Variants in CSMD1 observed in about 807,000 individuals in gnomAD.
CSMD1 encodes the protein CUB and Sushi multiple domains 1.
Under a neutral mutation model 417.5 loss-of-function variants are expected in CSMD1, and 213 were observed. That is an observed-to-expected ratio of 0.51 (90% CI 0.46 to 0.57). The LOEUF (loss-of-function observed/expected upper bound fraction) is 0.57, where lower values mean the gene tolerates loss of function less well. Ranked by LOEUF, CSMD1 falls within the 20% of genes least tolerant of loss-of-function variation. The pLI is 0.00. For synonymous variants in CSMD1, 2,862 were observed against 1,736.8 expected (o/e 1.65, Z -16.11); for missense variants, 6,923 against 4,529.7 (o/e 1.53, Z -15.17).
At chr8:4,890,945 C>G (rs2116999891) in intron 1 of CSMD1, among the ~76,000 whole-genome samples, 1 of 152,132 alleles carries the variant, frequency 6.6e-6, no homozygotes, top group East Asian at 1.9e-4. Flanking sequence ...GCAGAGAATC[C>G]AAGGGAAAGT....
At chr8:3,961,976 CA>C (rs761303041) in intron 5 of CSMD1, among the ~76,000 whole-genome samples, 1 of 152,142 alleles carries the variant, frequency 6.6e-6, no homozygotes, top group Non-Finnish European at 1.5e-5. Context: ...AGCAATGCAG[CA>C]AAACATCACA....
intron 3 of CSMD1, among the ~76,000 whole-genome samples, chr8:4,075,709 C>T (rs1053375445): frequency 6.6e-6 from 1 of 152,056 alleles, no homozygotes; most frequent in Non-Finnish European, 1.5e-5. Flanking sequence ...ATAAAATTGT[C>T]AATGTAGAAA....
chr8:3,564,780 G>A (rs866916268), intron 10 of CSMD1, among the ~76,000 whole-genome samples: 1 of 151,936 alleles, frequency 6.6e-6, no homozygotes, highest in Non-Finnish European at 1.5e-5. Flanking sequence ...GATCTTGAAA[G>A]GGGTGATGAC....
chr8:4,450,250 T>C (rs1485099239), intron 2 of CSMD1, among the ~76,000 whole-genome samples: 2 of 152,192 alleles, frequency 1.3e-5, no homozygotes, highest in African/African-American at 4.8e-5. Context: ...AAAGAGACAG[T>C]GTCTGATCTT....
At chr8:3,283,096 T>C (rs867819805) in intron 26 of CSMD1, among the ~76,000 whole-genome samples, 1 of 152,174 alleles carries the variant, frequency 6.6e-6, no homozygotes, top group African/African-American at 2.4e-5. Context: ...TAGGAGATTA[T>C]AGTTCACGTG....
intron 1 of CSMD1, among the ~76,000 whole-genome samples, chr8:4,739,670 T>C (rs952695180): frequency 1.3e-5 from 2 of 152,196 alleles, no homozygotes; most frequent in African/African-American, 4.8e-5. Flanking sequence ...GTCCACACTT[T>C]GTGTCTATCA....
At chr8:3,831,170 G>A (rs887673339) in intron 5 of CSMD1, among the ~76,000 whole-genome samples, 5 of 152,134 alleles carry the variant, frequency 3.3e-5, no homozygotes, top group South Asian at 2.1e-4. Context: ...AATTTATCTA[G>A]AGACTCTACA....
intron 5 of CSMD1, among the ~76,000 whole-genome samples, chr8:3,922,125 A>G (rs1809319535): frequency 7.1e-6 from 1 of 141,462 alleles, no homozygotes. Flanking sequence ...TCATTATATT[A>G]TGACATTCTT....
At chr8:3,441,008 G>A (rs1814946965) in intron 12 of CSMD1, among the ~76,000 whole-genome samples, 1 of 152,116 alleles carries the variant, frequency 6.6e-6, no homozygotes, top group Non-Finnish European at 1.5e-5. Flanking sequence ...AGATCATCCT[G>A]GATTATGTTG....
chr8:4,934,943 T>TA (rs747953404), intron 1 of CSMD1, among the ~76,000 whole-genome samples: 18 of 152,314 alleles, frequency 1.2e-4, no homozygotes, highest in Non-Finnish European at 2.1e-4. Context: ...ATCATCTATT[T>TA]AAATCCATCT....
intron 1 of CSMD1, among the ~76,000 whole-genome samples, chr8:4,911,820 T>G (rs1373745615): frequency 1.3e-5 from 2 of 152,138 alleles, no homozygotes. Flanking sequence ...CTCATTAAAC[T>G]TCACGGTGTT....
At chr8:4,991,480 G>T (rs1811458254) in intron 1 of CSMD1, among the ~76,000 whole-genome samples, 1 of 152,184 alleles carries the variant, frequency 6.6e-6, no homozygotes, top group South Asian at 2.1e-4. Context: ...CCGCAAACAG[G>T]TCACGAATTA....
At chr8:3,595,986 C>CTT (rs1443067828) in intron 8 of CSMD1, among the ~76,000 whole-genome samples, 1 of 152,198 alleles carries the variant, frequency 6.6e-6, no homozygotes, top group African/African-American at 2.4e-5. Flanking sequence ...GTGAAAGCCC[C>CTT]TTTGCCTCCT....
At chr8:3,377,113 A>AT (rs1319439335) in intron 18 of CSMD1, among the ~76,000 whole-genome samples, 2 of 148,660 alleles carry the variant, frequency 1.3e-5, no homozygotes, top group Admixed American at 7.3e-5. Flanking sequence ...GGCTCAAGTG[A>AT]TCCCCCTGCC....
chr8:3,444,610 A>G (rs1585174305), intron 12 of CSMD1, among the ~76,000 whole-genome samples: 1 of 152,006 alleles, frequency 6.6e-6, no homozygotes, highest in South Asian at 2.1e-4. Context: ...GCTCCTAAAA[A>G]CCTACAGTCA....
intron 52 of CSMD1, 34 bp downstream of exon 52, chr8:3,018,443 C>A: frequency 6.3e-7 from 1 of 1,598,586 alleles, no homozygotes. Flanking sequence ...GGTTTATCTG[C>A]ATTAAGTAAG....
At chr8:4,801,654 G>C (rs539023159) in intron 1 of CSMD1, among the ~76,000 whole-genome samples, 2 of 152,036 alleles carry the variant, frequency 1.3e-5, no homozygotes, top group Admixed American at 6.6e-5. Flanking sequence ...ATCTACACCA[G>C]TGTCCTCAGC....
At chr8:3,140,894 G>C (rs750170860) in intron 41 of CSMD1, among the ~76,000 whole-genome samples, 2 of 152,148 alleles carry the variant, frequency 1.3e-5, no homozygotes, top group Non-Finnish European at 2.9e-5. Flanking sequence ...TTGCATATTT[G>C]AAGGAATAAA....
intron 3 of CSMD1, among the ~76,000 whole-genome samples, chr8:4,042,987 C>A (rs1274882530): frequency 1.3e-5 from 2 of 151,596 alleles, no homozygotes; most frequent in Admixed American, 6.6e-5. Context: ...AAAAAATTAG[C>A]TGGGTGTGGT....
Sources: allele counts gnomAD v4.1 joint callset (sites outside exome capture counted in the v4.1 genomes callset), GRCh38; gene constraint gnomAD v4.1.1; transcripts MANE v1.5; gene names NCBI Gene and HGNC (gene_info 2026-07-23, HGNC 2026-07-21).